The following MTUS1 variants were observed in gnomAD, a reference collection of about 807,000 sequenced individuals.
The protein encoded by MTUS1 is microtubule-associated tumor suppressor 1.
Under a neutral mutation model 120.8 loss-of-function variants are expected in MTUS1, and 109 were observed. The ratio of observed to expected loss-of-function variants is 0.90; its 90% CI spans 0.77 to 1.06. The LOEUF is 1.06. Ranked by LOEUF, MTUS1 falls within the 50% of genes least tolerant of loss-of-function variation. MTUS1 has a pLI of 0.00. For missense variants in MTUS1, 2,210 were observed against 1,486.3 expected (o/e 1.49, Z -8.01); for synonymous variants, 737 against 550.5 (o/e 1.34, Z -4.74).
intron 6 of MTUS1, among the ~76,000 whole-genome samples, chr8:17,708,087 A>G (rs1225367752): frequency 6.6e-6 from 1 of 152,260 alleles, no homozygotes; most frequent in Non-Finnish European, 1.5e-5. Context: ...CAGAAGCAAC[A>G]AAAGAAAAAA....
intron 14 of MTUS1, among the ~76,000 whole-genome samples, chr8:17,646,459 G>A (rs1805811981): frequency 6.6e-6 from 1 of 152,110 alleles, no homozygotes; most frequent in African/African-American, 2.4e-5. Context: ...ATGGTGACAT[G>A]TGCCTGTAGT....
intron 2 of MTUS1, among the ~76,000 whole-genome samples, chr8:17,746,752 T>C (rs1476851865): frequency 6.6e-6 from 1 of 152,218 alleles, no homozygotes; most frequent in East Asian, 1.9e-4. Context: ...CCGTATAGAA[T>C]ACTATTCTAA....
At chr8:17,662,472 C>A (rs1425666686) in intron 8 of MTUS1, among the ~76,000 whole-genome samples, 1 of 150,778 alleles carries the variant, frequency 6.6e-6, no homozygotes, top group African/African-American at 2.4e-5. Flanking sequence ...TCTCTTGCCA[C>A]AGCCTCCCGA....
At chr8:17,733,115 CCGAGG>C (rs2046700058) in intron 3 of MTUS1, among the ~76,000 whole-genome samples, 1 of 152,146 alleles carries the variant, frequency 6.6e-6, no homozygotes, top group Non-Finnish European at 1.5e-5. Context: ...CTTTGGAAGG[CCGAGG>C]TGGGTGGATC....
At chr8:17,711,001 C>A (rs187686299) in intron 6 of MTUS1, among the ~76,000 whole-genome samples, 75 of 152,268 alleles carry the variant, frequency 4.9e-4, no homozygotes, top group African/African-American at 1.7e-3. Context: ...AGTTGTAGGT[C>A]TTAACAATGG....
At chr8:17,726,891 T>G (rs965444582) in intron 3 of MTUS1, among the ~76,000 whole-genome samples, 1 of 152,224 alleles carries the variant, frequency 6.6e-6, no homozygotes, top group Admixed American at 6.5e-5. Flanking sequence ...CAAGGCTTCC[T>G]ACATTTTGGA....
intron 3 of MTUS1, among the ~76,000 whole-genome samples, chr8:17,729,456 A>T: frequency 6.6e-6 from 1 of 151,580 alleles, no homozygotes; most frequent in East Asian, 2.0e-4. Context: ...TATATTTCCT[A>T]TGTGCCAGGA....
chr8:17,703,098 C>G (rs7832211), intron 6 of MTUS1, among the ~76,000 whole-genome samples: 6,457 of 152,152 alleles, frequency 0.042, 161 homozygotes, highest in Middle Eastern at 0.065. Context: ...AAAATGAACA[C>G]AATAACAGTG....
At chr8:17,791,481 T>C (rs1398891703) in intron 1 of MTUS1, among the ~76,000 whole-genome samples, 4 of 152,234 alleles carry the variant, frequency 2.6e-5, no homozygotes, top group African/African-American at 9.6e-5. Context: ...CCAAGATTAG[T>C]TCAAAGTGAT....
intron 1 of MTUS1, among the ~76,000 whole-genome samples, chr8:17,767,370 C>T (rs992662338): frequency 6.6e-6 from 1 of 151,492 alleles, no homozygotes; most frequent in African/African-American, 2.4e-5. Flanking sequence ...GTGATTAAAG[C>T]TTCCATTAGC....
At chr8:17,742,720 T>C (rs956388914) in intron 3 of MTUS1, among the ~76,000 whole-genome samples, 1 of 152,200 alleles carries the variant, frequency 6.6e-6, no homozygotes. Context: ...TGAGGCTTCA[T>C]GGTAGGGTTG....
At chr8:17,777,828 C>T (rs1024259064) in intron 1 of MTUS1, among the ~76,000 whole-genome samples, 37 of 152,308 alleles carry the variant, frequency 2.4e-4, no homozygotes, top group African/African-American at 8.9e-4. Flanking sequence ...ATATTTTCCA[C>T]ATCTGTGAAG....
intron 1 of MTUS1, among the ~76,000 whole-genome samples, chr8:17,776,061 T>G (rs926057793): frequency 2.0e-5 from 3 of 152,142 alleles, no homozygotes; most frequent in Non-Finnish European, 4.4e-5. Context: ...AAACCTCAGT[T>G]AGAATGCAGC....
At chr8:17,801,345 A>T (rs2052664343), upstream of MTUS1, 1 of 151,018 alleles carries the variant, frequency 6.6e-6, no homozygotes, top group African/African-American at 2.4e-5. Flanking sequence ...TCCCGCCCCA[A>T]CCCGGGGCGG....
rs538456659 is a variant in MTUS1, at chr8:17,699,347, T to C, written c.2623+13867A>G. On this transcript the variant is annotated intron_variant, in intron 6 of 14. Coordinates refer to ENST00000693296, the MANE Select transcript of MTUS1 (RefSeq NM_001363059.2). ...ATTCTCCTGCCTCAGCCTCCGTAGA[T>C]GGGATTACAGGTGCCCGCCACCATG... Among the ~76,000 whole-genome samples, 21 of 152,230 alleles carry C rather than the reference T, an allele frequency of 1.4e-4. No individual in the cohort carries two copies. In the East Asian group the frequency reaches 3.9e-3, roughly 28 times the overall value.
At chr8:17,782,130 G>C (rs2050917939) in intron 1 of MTUS1, among the ~76,000 whole-genome samples, 1 of 152,198 alleles carries the variant, frequency 6.6e-6, no homozygotes, top group Non-Finnish European at 1.5e-5. Flanking sequence ...TTTTAGCCAG[G>C]AAATTTCAAA....
At chr8:17,743,547 G>C in intron 3 of MTUS1, 57 bp downstream of exon 3, 2 of 1,522,294 alleles carry the variant, frequency 1.3e-6, no homozygotes, top group Non-Finnish European at 9.0e-7. Flanking sequence ...CTATAATCAT[G>C]ACTGTCCAAT....
At chr8:17,697,141 G>T in intron 6 of MTUS1, 1 of 1,333,566 alleles carries the variant, frequency 7.5e-7, no homozygotes, top group Non-Finnish European at 1.0e-6. Flanking sequence ...TCTCTCATTA[G>T]AGAGAGCTTT....
At chr8:17,765,634 A>G (rs1308705240) in intron 1 of MTUS1, among the ~76,000 whole-genome samples, 3 of 148,686 alleles carry the variant, frequency 2.0e-5, no homozygotes, top group African/African-American at 7.4e-5. Flanking sequence ...AAAAAAAAAA[A>G]GACTAGCTGT....
Sources: allele counts gnomAD v4.1 joint callset (sites outside exome capture counted in the v4.1 genomes callset), GRCh38; gene constraint gnomAD v4.1.1; transcripts MANE v1.5; gene names NCBI Gene and HGNC (gene_info 2026-07-23, HGNC 2026-07-21).